Variants in UBAC2 observed in about 807,000 individuals in gnomAD.
UBAC2 encodes ubiquitin-associated domain-containing protein 2.
In UBAC2, 26 loss-of-function variants were observed where a neutral mutation model predicts 44.0. The ratio of observed to expected loss-of-function variants is 0.59; its 90% CI spans 0.43 to 0.82. The LOEUF (loss-of-function observed/expected upper bound fraction) is 0.82, where lower values mean the gene tolerates loss of function less well. Among genes scored for constraint, UBAC2 ranks in the 40% least tolerant of loss-of-function variants. The pLI, the probability that UBAC2 is intolerant of heterozygous loss-of-function variation, is 0.00. For missense variants in UBAC2, 329 were observed against 419.4 expected, an observed-to-expected ratio of 0.78 and a Z score of 1.88; for synonymous variants, 155 against 154.3, an observed-to-expected ratio of 1.00 and a Z score of -0.04.
intron 6 of UBAC2, among the ~76,000 whole-genome samples, chr13:99,320,577 A>G (rs1278707791): frequency 6.6e-6 from 1 of 152,198 alleles, no homozygotes; most frequent in Non-Finnish European, 1.5e-5. Context: ...TTTTACCATA[A>G]TTAGATGACT....
intron 1 of UBAC2, among the ~76,000 whole-genome samples, chr13:99,227,932 T>A (rs1186267687): frequency 6.6e-6 from 1 of 152,132 alleles, no homozygotes; most frequent in Non-Finnish European, 1.5e-5. Flanking sequence ...GGTAAGAAGT[T>A]GTAGAGCAGA....
intron 4 of UBAC2, among the ~76,000 whole-genome samples, chr13:99,304,672 A>G (rs749197933): frequency 2.0e-5 from 3 of 152,188 alleles, no homozygotes; most frequent in Non-Finnish European, 4.4e-5. Context: ...TGGGCACTCT[A>G]TGTGTGTTTA....
Position 99,293,374 on chromosome 13 carries a change from C to T in UBAC2, c.390-20723C>T, listed in dbSNP as rs150782701. ...ATACATCCCAGAAGGCGTCTCTACT[C>T]CAGTGTAGTCACAGAACCAGGGCAC... On this transcript the variant is annotated intron_variant, in intron 4 of 8. Transcript: ENST00000403766. Among the ~76,000 whole-genome samples, 649 of 152,276 alleles carry T rather than the reference C, an allele frequency of 4.3e-3. 7 individuals carry two copies. Among genetic ancestry groups the T allele is most frequent in the African/African-American group, 0.015 (632 of 41,556 alleles).
chr13:99,311,914 G>A (rs1251323592), intron 4 of UBAC2, among the ~76,000 whole-genome samples: 2 of 152,198 alleles, frequency 1.3e-5, no homozygotes, highest in South Asian at 2.1e-4. Context: ...CCGCTGTGCC[G>A]TGCACCTCCG....
chr13:99,368,992 G>T (rs1566525953), intron 8 of UBAC2, among the ~76,000 whole-genome samples: 1 of 152,148 alleles, frequency 6.6e-6, no homozygotes, highest in Non-Finnish European at 1.5e-5. Context: ...GATCCCACTG[G>T]CCACATCTAG....
At chr13:99,243,117 C>T (rs1333816066) in intron 2 of UBAC2, among the ~76,000 whole-genome samples, 1 of 151,948 alleles carries the variant, frequency 6.6e-6, no homozygotes, top group Non-Finnish European at 1.5e-5. Flanking sequence ...TTTTACCTAT[C>T]TCATAAGGTC....
intron 7 of UBAC2, among the ~76,000 whole-genome samples, chr13:99,364,648 G>A (rs535731570): frequency 6.6e-6 from 1 of 152,014 alleles, no homozygotes; most frequent in African/African-American, 2.4e-5. Flanking sequence ...TTTAAGTACT[G>A]TTTCAATTAC....
intron 4 of UBAC2, among the ~76,000 whole-genome samples, chr13:99,252,757 A>C (rs540840625): frequency 4.6e-5 from 7 of 152,318 alleles, no homozygotes; most frequent in African/African-American, 1.7e-4. Context: ...TAAATTATTT[A>C]AAAAATAACT....
intron 4 of UBAC2, among the ~76,000 whole-genome samples, chr13:99,296,777 G>A (rs895350280): frequency 9.2e-5 from 14 of 151,948 alleles, no homozygotes; most frequent in Non-Finnish European, 2.1e-4. Flanking sequence ...GACGACGACC[G>A]CAACAACCAT....
intron 1 of UBAC2, among the ~76,000 whole-genome samples, chr13:99,226,485 T>A (rs1927732): frequency 0.013 from 2,007 of 152,274 alleles, 53 homozygotes; most frequent in African/African-American, 0.046. Flanking sequence ...TCTAACTGGT[T>A]TACTATCTTC....
At chr13:99,282,053 T>C (rs1470983265) in intron 4 of UBAC2, among the ~76,000 whole-genome samples, 3 of 152,214 alleles carry the variant, frequency 2.0e-5, no homozygotes, top group African/African-American at 7.2e-5. Flanking sequence ...CTCAGCACTT[T>C]TGACATTTTA....
chr13:99,255,799 G>T, intron 4 of UBAC2: 2 of 1,611,656 alleles, frequency 1.2e-6, no homozygotes, highest in East Asian at 2.2e-5. Flanking sequence ...GAAGACAAGG[G>T]CTGCAATTTT....
chr13:99,207,042 T>C (rs2042880985), intron 1 of UBAC2, among the ~76,000 whole-genome samples: 1 of 152,260 alleles, frequency 6.6e-6, no homozygotes, highest in African/African-American at 2.4e-5. Context: ...CTCTTGCTTT[T>C]TCTTTACCTT....
rs781760585 is a variant in UBAC2 at position 99,340,295 on chromosome 13, A to G, written c.562-25A>G. On this transcript the variant is annotated intron_variant, in intron 6 of 8. Transcript: ENST00000403766. ...TTTAAAATAATACTACATTTAAACAATCACATTGGACGTTTTTCTTCTAGA... is the reference window on the plus strand; with the variant it reads ...TTTAAAATAATACTACATTTAAACAGTCACATTGGACGTTTTTCTTCTAGA... The G allele has an allele frequency of 5.6e-6, 9 of 1,610,328 alleles. No homozygotes were observed. In the South Asian group the frequency reaches 9.9e-5, roughly 18 times the overall value.
At chr13:99,254,215 A>G (rs1308228830) in intron 4 of UBAC2, among the ~76,000 whole-genome samples, 5 of 152,230 alleles carry the variant, frequency 3.3e-5, no homozygotes, top group Non-Finnish European at 7.3e-5. Flanking sequence ...CTCAAATGAT[A>G]GAAATGAACT....
At chr13:99,383,307 C>T (rs562289883) in intron 8 of UBAC2, among the ~76,000 whole-genome samples, 1 of 152,364 alleles carries the variant, frequency 6.6e-6, no homozygotes, top group African/African-American at 2.4e-5. Context: ...AAGTCTAGGA[C>T]AGTACATATC....
At chr13:99,347,441 G>A (rs1010012803) in intron 7 of UBAC2, among the ~76,000 whole-genome samples, 36 of 151,516 alleles carry the variant, frequency 2.4e-4, no homozygotes, top group African/African-American at 1.5e-4. Context: ...GATGAGAAGC[G>A]CTGCATGAGC....
chr13:99,329,811 G>A (rs998276788), intron 6 of UBAC2, among the ~76,000 whole-genome samples: 2 of 152,206 alleles, frequency 1.3e-5, no homozygotes, highest in Non-Finnish European at 2.9e-5. Context: ...CCTCATGAGA[G>A]ACCTTGAGCC....
chr13:99,328,315 A>T (rs911645272), intron 6 of UBAC2, among the ~76,000 whole-genome samples: 2 of 152,196 alleles, frequency 1.3e-5, no homozygotes, highest in Non-Finnish European at 2.9e-5. Flanking sequence ...GCTGCTGTGA[A>T]CATCTGTGTA....
Sources: allele counts gnomAD v4.1 joint callset (sites outside exome capture counted in the v4.1 genomes callset), GRCh38; gene constraint gnomAD v4.1.1; transcripts MANE v1.5; gene names NCBI Gene and HGNC (gene_info 2026-07-23, HGNC 2026-07-21).